DLG2: variants seen among roughly 807,000 people sequenced by gnomAD.
The protein encoded by DLG2 is discs large MAGUK scaffold protein 2, also known as disks large homolog 2.
In DLG2, 45 loss-of-function variants were observed where a neutral mutation model predicts 132.5. That is an observed-to-expected ratio of 0.34 (90% CI 0.27 to 0.44). DLG2 has a LOEUF of 0.44. Ranked by LOEUF, DLG2 falls within the 20% of genes least tolerant of loss-of-function variation. The pLI, the probability that DLG2 is intolerant of heterozygous loss-of-function variation, is 1.00. For missense variants in DLG2, 1,045 were observed against 1,196.9 expected (o/e 0.87, Z 1.87); for synonymous variants, 424 against 419.6 (o/e 1.01, Z -0.13).
intron 18 of DLG2, among the ~76,000 whole-genome samples, chr11:83,777,952 C>A (rs2094652891): frequency 6.6e-6 from 1 of 152,134 alleles, no homozygotes; most frequent in African/African-American, 2.4e-5. Context: ...ACAATGGAAT[C>A]CATGTTCAGA....
intron 19 of DLG2, among the ~76,000 whole-genome samples, chr11:83,603,329 C>T (rs1332986669): frequency 6.6e-6 from 1 of 151,978 alleles, no homozygotes; most frequent in Non-Finnish European, 1.5e-5. Context: ...AACTATCTTT[C>T]TTTTTTTGGC....
intron 8 of DLG2, among the ~76,000 whole-genome samples, chr11:84,182,471 G>A (rs541690876): frequency 1.8e-4 from 28 of 151,654 alleles, no homozygotes; most frequent in African/African-American, 6.3e-4. Context: ...TGAGGCTACA[G>A]TGAGCCCTGA....
At chr11:84,667,757 C>G (rs551260901) in intron 6 of DLG2, among the ~76,000 whole-genome samples, 1 of 152,000 alleles carries the variant, frequency 6.6e-6, no homozygotes, top group East Asian at 1.9e-4. Flanking sequence ...CCTCATTCCC[C>G]CAAAGTGCTG....
At chr11:83,612,024 A>C (rs2060190520) in intron 19 of DLG2, among the ~76,000 whole-genome samples, 1 of 152,216 alleles carries the variant, frequency 6.6e-6, no homozygotes, top group Non-Finnish European at 1.5e-5. Flanking sequence ...CACTTGGAGA[A>C]ATGGTGCACA....
intron 3 of DLG2, among the ~76,000 whole-genome samples, chr11:85,532,365 A>C (rs1248860761): frequency 6.6e-6 from 1 of 152,228 alleles, no homozygotes; most frequent in African/African-American, 2.4e-5. Context: ...AGTTTCCCTC[A>C]TCTTTGTTCC....
intron 15 of DLG2, among the ~76,000 whole-genome samples, chr11:83,918,064 T>C (rs1170413874): frequency 6.6e-6 from 1 of 152,176 alleles, no homozygotes. Flanking sequence ...AGAAGGCAGA[T>C]GTCCCATTAC....
chr11:84,720,441 C>T, intron 6 of DLG2: 2 of 985,398 alleles, frequency 2.0e-6, no homozygotes, highest in Middle Eastern at 5.2e-4. Context: ...GGGACCCAAA[C>T]GCTGTGCTCG....
Position 84,178,140 on chromosome 11 carries a change from A to G in DLG2, c.574-14629T>C, listed in dbSNP as rs556701729. ...AGTAGTTCTACCAGCAGAAAATGCTATGAAAACCAGCAGCTTTACTGCCAG... is the reference window on the plus strand; with the variant it reads ...AGTAGTTCTACCAGCAGAAAATGCTGTGAAAACCAGCAGCTTTACTGCCAG... On this transcript the variant is annotated intron_variant, in intron 8 of 27. Coordinates refer to ENST00000376104, the MANE Select transcript of DLG2 (RefSeq NM_001142699.3). Among the ~76,000 whole-genome samples, 608 of 152,254 alleles carry G rather than the reference A, an allele frequency of 4.0e-3. 2 individuals carry two copies. Among genetic ancestry groups the G allele is most frequent in the Non-Finnish European group, 6.9e-3 (467 of 68,008 alleles).
intron 7 of DLG2, among the ~76,000 whole-genome samples, chr11:84,270,075 G>T (rs1035366851): frequency 6.6e-6 from 1 of 152,134 alleles, no homozygotes; most frequent in Non-Finnish European, 1.5e-5. Flanking sequence ...TACTAATTAT[G>T]AGACTGTTTT....
intron 18 of DLG2, among the ~76,000 whole-genome samples, chr11:83,660,482 G>T (rs1048934514): frequency 1.3e-5 from 2 of 152,184 alleles, no homozygotes; most frequent in African/African-American, 2.4e-5. Context: ...CCATTCCTGC[G>T]CAGCCACCAT....
intron 6 of DLG2, among the ~76,000 whole-genome samples, chr11:84,918,520 G>A (rs2092603398): frequency 6.6e-6 from 1 of 152,098 alleles, no homozygotes; most frequent in African/African-American, 2.4e-5. Flanking sequence ...AAATGATCGG[G>A]GCAGAGAGGG....
intron 7 of DLG2, among the ~76,000 whole-genome samples, chr11:84,324,190 T>G (rs1344596434): frequency 6.6e-6 from 1 of 152,098 alleles, no homozygotes; most frequent in East Asian, 1.9e-4. Context: ...TTTATAGTTT[T>G]AGGTCTTATC....
intron 6 of DLG2, among the ~76,000 whole-genome samples, chr11:84,608,996 G>A (rs757464755): frequency 1.3e-5 from 2 of 152,172 alleles, no homozygotes; most frequent in Non-Finnish European, 2.9e-5. Context: ...AACCTGAATT[G>A]AAACAGAGGC....
chr11:84,428,527 T>C (rs563462603), intron 7 of DLG2, among the ~76,000 whole-genome samples: 155 of 152,350 alleles, frequency 1.0e-3, no homozygotes, highest in African/African-American at 3.6e-3. Flanking sequence ...CAGTGAGCTC[T>C]CTTTCCCTGG....
chr11:85,288,036 A>G (rs930914127), intron 3 of DLG2, among the ~76,000 whole-genome samples: 5 of 152,104 alleles, frequency 3.3e-5, no homozygotes, highest in Non-Finnish European at 5.9e-5. Flanking sequence ...AGGAAGTGGG[A>G]TAAGGAAAGT....
intron 2 of DLG2, among the ~76,000 whole-genome samples, chr11:85,604,555 G>A (rs919116968): frequency 1.3e-5 from 2 of 151,778 alleles, no homozygotes; most frequent in South Asian, 4.1e-4. Context: ...ACCAAGTGGA[G>A]AATTTTTCAT....
chr11:84,914,835 T>C (rs181409640), intron 6 of DLG2, among the ~76,000 whole-genome samples: 11 of 152,296 alleles, frequency 7.2e-5, no homozygotes, highest in Non-Finnish European at 1.2e-4. Context: ...AATAGAAAAC[T>C]TTCTCTTGGG....
chr11:84,624,856 C>CTTTT (rs1565486439), intron 6 of DLG2, among the ~76,000 whole-genome samples: 34 of 82,902 alleles, frequency 4.1e-4, no homozygotes, highest in Non-Finnish European at 6.3e-4. Flanking sequence ...AGAGAGTCAA[C>CTTTT]CTTTTTTTTT....
chr11:84,786,828 C>T (rs1195007820), intron 6 of DLG2, among the ~76,000 whole-genome samples: 1 of 152,132 alleles, frequency 6.6e-6, no homozygotes, highest in Non-Finnish European at 1.5e-5. Context: ...ACACCACCAC[C>T]CTATGTTCAG....
Sources: gnomAD v4.1 joint callset for allele counts (sites outside exome capture counted in the v4.1 genomes callset) on GRCh38, gnomAD v4.1.1 for gene constraint, MANE v1.5 for transcripts, NCBI Gene and HGNC (gene_info 2026-07-23, HGNC 2026-07-21) for gene names.